The following DAB2 variants were observed in gnomAD, a reference collection of about 807,000 sequenced individuals.
DAB2 encodes disabled homolog 2.
A neutral mutation model predicts 71.6 loss-of-function variants in DAB2; 28 were observed. The ratio of observed to expected loss-of-function variants is 0.39; its 90% CI spans 0.29 to 0.54. The LOEUF is 0.54. Among genes scored for constraint, DAB2 ranks in the 20% least tolerant of loss-of-function variants. The pLI is 0.68. For synonymous variants in DAB2, 345 were observed against 339.7 expected (o/e 1.02, Z -0.17); for missense variants, 867 against 928.8 (o/e 0.93, Z 0.86).
At chr5:39,396,453 G>A (rs1235440576) in intron 1 of DAB2, among the ~76,000 whole-genome samples, 2 of 152,198 alleles carry the variant, frequency 1.3e-5, no homozygotes, top group Non-Finnish European at 2.9e-5. Flanking sequence ...GAATGTAGGA[G>A]ACTCATTTCT....
In DAB2 at chr5:39,382,984, A is replaced by G; in HGVS notation, c.975T>C (p.Ser325=). The G allele has an allele frequency of 6.2e-7, 1 of 1,614,114 alleles. No homozygotes were observed. The highest frequency in any genetic ancestry group is 8.5e-7 in the Non-Finnish European group (1 of 1,180,022). The change falls in exon 10 of 15, where the codon AGT becomes AGC. Residue 325 remains serine (S), a synonymous_variant. Coordinates refer to ENST00000320816, the MANE Select transcript of DAB2 (RefSeq NM_001343.4). ...CATTACTCAGCGGAGTAGACGAGCT[A>G]CTCGAATTCTCTTTCTTCTGATCTG... ...KSPDQKKENS[S]SSSTPLSNGP...
chr5:39,391,698 T>C, intron 4 of DAB2, among the ~76,000 whole-genome samples: 1 of 151,986 alleles, frequency 6.6e-6, no homozygotes, highest in East Asian at 1.9e-4. Flanking sequence ...CACAGAAGAC[T>C]TGATGTATGA....
rs546597539 is a variant in DAB2 at position 39,396,911 on chromosome 5, T to C, written c.-101-2490A>G. ...GTAGCTGGAGGGGTGATCTGTGCCA[T>C]TTAAGTTGTCTCAGCTTCAGAACCA... On this transcript the variant is annotated intron_variant, in intron 1 of 14. Coordinates refer to ENST00000320816, the MANE Select transcript of DAB2 (RefSeq NM_001343.4). 5.3e-5 allele frequency among the ~76,000 whole-genome samples: 8 copies of C among 152,302 alleles called. No homozygotes were observed. The South Asian group carries it at 1.0e-3, about 20-fold the overall frequency.
At chr5:39,403,253 A>T (rs550274159) in intron 1 of DAB2, among the ~76,000 whole-genome samples, 1 of 152,320 alleles carries the variant, frequency 6.6e-6, no homozygotes, top group East Asian at 1.9e-4. Context: ...TGACTTGTCT[A>T]ATTGTGAAAT....
chr5:39,398,406 T>G (rs1755421759), intron 1 of DAB2, among the ~76,000 whole-genome samples: 1 of 152,206 alleles, frequency 6.6e-6, no homozygotes, highest in Non-Finnish European at 1.5e-5. Flanking sequence ...CAGCTTTTCA[T>G]AGCATTGGAA....
chr5:39,396,383 G>T (rs1466712369), intron 1 of DAB2, among the ~76,000 whole-genome samples: 1 of 152,152 alleles, frequency 6.6e-6, no homozygotes, highest in East Asian at 1.9e-4. Flanking sequence ...CATGTCCATT[G>T]CATGGTTTAC....
rs1308867090 is a variant in DAB2, at chr5:39,376,981, A to G, written c.1806T>C (p.Pro602=). 6.2e-7 allele frequency: 1 copy of G among 1,614,106 alleles called. No homozygotes were observed. Among genetic ancestry groups the G allele is most frequent in the Non-Finnish European group, 8.5e-7 (1 of 1,180,008 alleles). ...NPFQSNIFPA[P]AVSTQPPSMH... is the part of the protein sequence containing the mutation. ...TGGATGGGGGCTGAGTGGACACAGC[A>G]GGAGCTGGAAAAATATTGCTCTGAA... The change falls in exon 12 of 15, where the codon CCT becomes CCC. Residue 602 remains proline, a synonymous_variant. Transcript: ENST00000320816.
intron 1 of DAB2, among the ~76,000 whole-genome samples, chr5:39,405,140 C>T (rs766864352): frequency 6.6e-6 from 1 of 152,180 alleles, no homozygotes; most frequent in African/African-American, 2.4e-5. Context: ...CATGCAGAGA[C>T]AATTGATTCT....
At chr5:39,418,444 A>AG (rs1264717162) in intron 1 of DAB2, 1 of 152,222 alleles carries the variant, frequency 6.6e-6, no homozygotes, top group African/African-American at 2.4e-5. Context: ...ATATAAAAAA[A>AG]TAAGTGAGAT....
Position 39,383,254 on chromosome 5 carries a change from C to T in DAB2, c.705G>A (p.Leu235=), listed in dbSNP as rs367994156. Residue 235 remains leucine (L), a synonymous_variant, in exon 10 of 15, where the codon CTG becomes CTA. Transcript: ENST00000320816. The part of the protein sequence containing the change: ...LNSPTESKDI[L]LVDLNSEIDT... The stretch of plus-strand genomic sequence containing the variant: ...CGATTTCAGAGTTTAGATCCACTAA[C>T]AGGATATCTTTGCTTTCCTATCACA... 9.3e-6 allele frequency: 15 copies of T among 1,606,988 alleles called. No homozygotes were observed. The African/African-American group carries it at 1.7e-4, about 19-fold the overall frequency.
At chr5:39,380,516 T>C (rs921032285) in intron 11 of DAB2, among the ~76,000 whole-genome samples, 3 of 152,026 alleles carry the variant, frequency 2.0e-5, no homozygotes, top group Non-Finnish European at 4.4e-5. Context: ...CAGAGTCCAT[T>C]TGGAGTTTGT....
At chr5:39,403,620 G>A (rs1434010033) in intron 1 of DAB2, among the ~76,000 whole-genome samples, 1 of 152,036 alleles carries the variant, frequency 6.6e-6, no homozygotes, top group East Asian at 1.9e-4. Context: ...TGGCTGCTTT[G>A]CCTAGGTCTG....
rs1402124408 is a variant in DAB2, at chr5:39,393,256, T to G, written c.229A>C (p.Lys77Gln). The change falls in exon 3 of 15, where the codon AAG becomes CAG. Residue 77 changes from lysine (K) to glutamine (Q), a missense_variant and splice_region_variant. Physicochemically the swap from Lys to Gln is moderately conservative, Grantham distance 53. Around this residue, in one of 2 missense-constraint regions of DAB2, gnomAD observed 127 missense variants for 194.4 expected, o/e 0.65. Coordinates refer to ENST00000320816, the MANE Select transcript of DAB2 (RefSeq NM_001343.4). ...TAAAGCATTCATTTCCCTTTTACCT[T>G]TAGTTTCATCATAGAGTCTTGGCTC... ...KMSQDSMMKLKGMAAAGRSQG... is the reference protein window; with the variant it reads ...KMSQDSMMKLQGMAAAGRSQG... 6.2e-7 allele frequency: 1 copy of G among 1,613,760 alleles called. No homozygotes were observed. Among genetic ancestry groups the G allele is most frequent in the Admixed American group, 1.7e-5 (1 of 59,992 alleles).
chr5:39,411,159 C>G (rs1303220944), intron 1 of DAB2, among the ~76,000 whole-genome samples: 1 of 152,104 alleles, frequency 6.6e-6, no homozygotes, highest in East Asian at 1.9e-4. Context: ...TCAAATGACA[C>G]TTAGCTGAGT....
At chr5:39,414,966 G>C (rs907101287) in intron 1 of DAB2, among the ~76,000 whole-genome samples, 8 of 152,074 alleles carry the variant, frequency 5.3e-5, no homozygotes, top group African/African-American at 1.7e-4. Context: ...AGGTTAGGTA[G>C]GGGAGAAAGA....
intron 11 of DAB2, among the ~76,000 whole-genome samples, chr5:39,379,566 C>G (rs1206932228): frequency 6.6e-6 from 1 of 150,788 alleles, no homozygotes; most frequent in Non-Finnish European, 1.5e-5. Flanking sequence ...TGTGTTTTAA[C>G]ACATTGAACA....
At chr5:39,408,696 C>T (rs1755657882) in intron 1 of DAB2, 1 of 152,084 alleles carries the variant, frequency 6.6e-6, no homozygotes, top group Non-Finnish European at 1.5e-5. Flanking sequence ...AAAAAGGAGT[C>T]ATTTAAAAAC....
intron 8 of DAB2, 48 bp downstream of exon 8, chr5:39,388,751 C>G: frequency 6.8e-7 from 1 of 1,470,188 alleles, no homozygotes; most frequent in Non-Finnish European, 9.5e-7. Context: ...AAGTAGAACC[C>G]ATGTTCAGAT....
In DAB2 at chr5:39,422,069, C is replaced by CAAACA. The variant is rs1054724923; in HGVS notation, c.-102+2730_-102+2734dup. Among the ~76,000 whole-genome samples, 20 of 152,136 alleles carry CAAACA rather than the reference C, an allele frequency of 1.3e-4. No individual in the cohort carries two copies. The highest frequency in any genetic ancestry group is 3.9e-4 in the East Asian group (2 of 5,180). On this transcript the variant is annotated intron_variant, in intron 1 of 14. Transcript: ENST00000320816. This position sits in a 1 kb window ranked among gnomAD's most constrained non-coding sequence, Gnocchi z 4.1. ...TGGGCAACAGAGGGAGACTCTGTCT[C>CAAACA]AAACAAAACAAAACAAAACAAAACA...
Sources: gnomAD v4.1 joint callset for allele counts (sites outside exome capture counted in the v4.1 genomes callset) on GRCh38, gnomAD v4.1.1 for gene constraint, gnomAD v4.1.1 regional missense constraint, Gnocchi (gnomAD v3.1) non-coding constraint, MANE v1.5 for transcripts, NCBI Gene and HGNC (gene_info 2026-07-23, HGNC 2026-07-21) for gene names.